The following CCDC91 variants were observed in gnomAD, a reference collection of about 807,000 sequenced individuals.
The protein encoded by CCDC91 is coiled-coil domain-containing protein 91.
A neutral mutation model predicts 63.2 loss-of-function variants in CCDC91; 48 were observed. That is an observed-to-expected ratio of 0.76 (90% CI 0.60 to 0.97). The LOEUF is 0.97. Among genes scored for constraint, CCDC91 ranks in the 50% least tolerant of loss-of-function variants. The pLI, the probability that CCDC91 is intolerant of heterozygous loss-of-function variation, is 0.00. For synonymous variants in CCDC91, 167 were observed against 165.8 expected, an observed-to-expected ratio of 1.01 and a Z score of -0.06; for missense variants, 500 against 494.6, an observed-to-expected ratio of 1.01 and a Z score of -0.10.
At chr12:28,260,724 T>C (rs1327478011) in intron 3 of CCDC91, among the ~76,000 whole-genome samples, 1 of 151,954 alleles carries the variant, frequency 6.6e-6, no homozygotes, top group African/African-American at 2.4e-5. Context: ...ATCTGGCTTA[T>C]AGTTGGCTCT....
chr12:28,369,984 G>T (rs1360611637), intron 7 of CCDC91, among the ~76,000 whole-genome samples: 1 of 152,208 alleles, frequency 6.6e-6, no homozygotes, highest in Admixed American at 6.5e-5. Context: ...GCCTCTACGG[G>T]CTATGGGAGG....
chr12:28,476,744 G>C (rs1243277660), intron 11 of CCDC91, among the ~76,000 whole-genome samples: 2 of 152,000 alleles, frequency 1.3e-5, no homozygotes, highest in Admixed American at 6.6e-5. Context: ...AAGAAGAAAA[G>C]AGAGAATAAT....
At chr12:28,432,828 G>A (rs937449261) in intron 8 of CCDC91, among the ~76,000 whole-genome samples, 18 of 152,016 alleles carry the variant, frequency 1.2e-4, no homozygotes, top group Non-Finnish European at 1.5e-4. Context: ...TACCATTTTG[G>A]TTATGCACCA....
intron 11 of CCDC91, among the ~76,000 whole-genome samples, chr12:28,469,576 GA>G (rs941552303): frequency 1.3e-5 from 2 of 150,940 alleles, no homozygotes; most frequent in East Asian, 1.9e-4. Context: ...CACAGAAATA[GA>G]AAAAAAAATC....
intron 12 of CCDC91, among the ~76,000 whole-genome samples, chr12:28,503,836 C>CA (rs1448142546): frequency 2.7e-5 from 4 of 149,578 alleles, no homozygotes; most frequent in Non-Finnish European, 3.0e-5. Context: ...ATCACAAGGA[C>CA]AAAAAACCAA....
chr12:28,284,354 T>C (rs1948783495), intron 3 of CCDC91, among the ~76,000 whole-genome samples: 1 of 152,100 alleles, frequency 6.6e-6, no homozygotes, highest in Non-Finnish European at 1.5e-5. Flanking sequence ...TGCATATCTA[T>C]AGAAATAGTG....
intron 12 of CCDC91, among the ~76,000 whole-genome samples, chr12:28,523,369 C>G (rs1940927990): frequency 6.6e-6 from 1 of 152,098 alleles, no homozygotes; most frequent in Non-Finnish European, 1.5e-5. Flanking sequence ...GGTTTAAAGT[C>G]TGTTTTATCA....
chr12:28,490,104 A>G (rs1566057289), intron 12 of CCDC91, among the ~76,000 whole-genome samples: 4 of 151,848 alleles, frequency 2.6e-5, no homozygotes, highest in African/African-American at 9.7e-5. Context: ...TATGGTATTT[A>G]TAAATTAGTG....
intron 7 of CCDC91, among the ~76,000 whole-genome samples, chr12:28,377,287 A>G (rs1592482410): frequency 6.7e-6 from 1 of 150,228 alleles, no homozygotes; most frequent in Non-Finnish European, 1.5e-5. Context: ...TTGATGTTAT[A>G]CTCCCTGTTG....
intron 3 of CCDC91, among the ~76,000 whole-genome samples, chr12:28,289,842 C>T (rs565836369): frequency 1.3e-5 from 2 of 151,990 alleles, no homozygotes; most frequent in African/African-American, 4.8e-5. Context: ...CAGATGCCCG[C>T]CACCACGCCT....
intron 3 of CCDC91, among the ~76,000 whole-genome samples, chr12:28,271,818 A>G (rs553150318): frequency 6.6e-6 from 1 of 150,906 alleles, no homozygotes; most frequent in African/African-American, 2.4e-5. Flanking sequence ...TTATTATGCT[A>G]TTGTGTAGCA....
chr12:28,292,368 T>G (rs1374008426), intron 3 of CCDC91, among the ~76,000 whole-genome samples: 1 of 152,200 alleles, frequency 6.6e-6, no homozygotes, highest in African/African-American at 2.4e-5. Flanking sequence ...ATAATAACAA[T>G]AGAACTTTAT....
intron 12 of CCDC91, among the ~76,000 whole-genome samples, chr12:28,531,620 ACATTAT>A (rs1463000816): frequency 1.3e-5 from 2 of 152,190 alleles, no homozygotes; most frequent in Non-Finnish European, 2.9e-5. Context: ...TCATTTGCAC[ACATTAT>A]TTTTGATGGC....
At chr12:28,493,217 T>C (rs1952105071) in intron 12 of CCDC91, among the ~76,000 whole-genome samples, 1 of 151,634 alleles carries the variant, frequency 6.6e-6, no homozygotes, top group Admixed American at 6.6e-5. Context: ...CCAAAATCAG[T>C]ACGAGGGTCA....
intron 1 of CCDC91, among the ~76,000 whole-genome samples, chr12:28,207,410 T>C (rs565968646): frequency 9.2e-5 from 14 of 152,194 alleles, no homozygotes; most frequent in Non-Finnish European, 1.5e-4. Context: ...CTTTCTCTGA[T>C]GTTCTCAGAA....
intron 3 of CCDC91, among the ~76,000 whole-genome samples, chr12:28,269,475 C>T (rs1460362611): frequency 6.6e-6 from 1 of 152,032 alleles, no homozygotes; most frequent in Non-Finnish European, 1.5e-5. Context: ...CAGTCAAAAG[C>T]CACCATCATA....
chr12:28,526,242 A>T (rs1044898338), intron 12 of CCDC91, among the ~76,000 whole-genome samples: 3 of 151,580 alleles, frequency 2.0e-5, no homozygotes, highest in African/African-American at 7.3e-5. Flanking sequence ...GTGTTTCCAG[A>T]ATTTGTTTCA....
intron 6 of CCDC91, among the ~76,000 whole-genome samples, chr12:28,361,107 G>A (rs1174245414): frequency 1.3e-5 from 2 of 151,034 alleles, no homozygotes; most frequent in African/African-American, 2.4e-5. Context: ...TCCCACATTC[G>A]TGCCTGATGT....
chr12:28,519,564 T>C (rs1940355990), intron 12 of CCDC91, among the ~76,000 whole-genome samples: 1 of 151,750 alleles, frequency 6.6e-6, no homozygotes, highest in South Asian at 2.1e-4. Context: ...TCTTTTCTTT[T>C]TTTTTTCTTT....
Sources: allele counts gnomAD v4.1 joint callset (sites outside exome capture counted in the v4.1 genomes callset), GRCh38; gene constraint gnomAD v4.1.1; transcripts MANE v1.5; gene names NCBI Gene and HGNC (gene_info 2026-07-23, HGNC 2026-07-21).